Variants in ARHGAP29 observed in about 807,000 individuals in gnomAD.
ARHGAP29 encodes Rho GTPase activating protein 29, also known as rho GTPase-activating protein 29.
In ARHGAP29, 43 loss-of-function variants were observed where a neutral mutation model predicts 122.6. The observed-to-expected ratio is 0.35, with a 90% CI of 0.27 to 0.45. The LOEUF (loss-of-function observed/expected upper bound fraction) is 0.45, where lower values mean the gene tolerates loss of function less well. ARHGAP29 is among the 20% of genes least tolerant of loss of function. ARHGAP29 has a pLI of 1.00. For missense variants in ARHGAP29, 1,303 were observed against 1,477.2 expected (o/e 0.88, Z 1.93); for synonymous variants, 506 against 497.1 (o/e 1.02, Z -0.24).
chr1:94,186,645 C>T, intron 15 of ARHGAP29, 48 bp from the exon 16 acceptor site: 1 of 1,329,558 alleles, frequency 7.5e-7, no homozygotes, highest in Non-Finnish European at 1.1e-6. Context: ...ATTGTAGAAT[C>T]TTTGAAATAG....
chr1:94,269,594 CAA>C (rs10565551), intron 1 of ARHGAP29, among the ~76,000 whole-genome samples: 49,823 of 151,700 alleles, frequency 0.33, 8,593 homozygotes, highest in South Asian at 0.41. Flanking sequence ...ATTTTAATAA[CAA>C]TGATGGTAAG....
At chr1:94,285,123 A>C in the ARHGAP29 span, among the ~76,000 whole-genome samples, 3 of 152,222 alleles carry the variant, frequency 2.0e-5, no homozygotes, top group Non-Finnish European at 4.4e-5. Flanking sequence ...AAACATAAAA[A>C]TGATTGTCTT....
chr1:94,174,403 C>T lies in ARHGAP29; in HGVS notation c.3252G>A (p.Gln1084=), dbSNP rs1470861702. ...TGGCAGTTAGGCTGTTTTGTTCATA[C>T]TGTTTGTCCTGAATTTTCTGTAGAG... ...QQTLQKIQDK[Q]YEQNSLTAKT... is the part of the protein sequence containing the mutation. The change falls in exon 23 of 23, where the codon CAG becomes CAA. Residue 1084 remains glutamine (Q), a synonymous_variant. Transcript: ENST00000260526. 10 of 1,614,064 alleles carry T rather than the reference C, an allele frequency of 6.2e-6. No individual in the cohort carries two copies. The highest frequency in any genetic ancestry group is 8.5e-6 in the Non-Finnish European group (10 of 1,180,052).
At chr1:94,193,181 A>AT (rs1650230710) in intron 12 of ARHGAP29, 1 of 152,048 alleles carries the variant, frequency 6.6e-6, no homozygotes, top group Non-Finnish European at 1.5e-5. Flanking sequence ...GATGAACTGT[A>AT]TGGGAGAATG....
chr1:94,232,216 C>T (rs1217579012), intron 1 of ARHGAP29, among the ~76,000 whole-genome samples: 2 of 151,644 alleles, frequency 1.3e-5, no homozygotes, highest in South Asian at 4.2e-4. Flanking sequence ...CTTCAGTATG[C>T]TCATTTATAA....
chr1:94,237,790 C>G (rs1420747596), upstream of ARHGAP29: 2 of 984,950 alleles, frequency 2.0e-6, no homozygotes, highest in Admixed American at 6.1e-5. Context: ...GCTGCGTCGG[C>G]TGCCCTTTTG....
rs1553214898 is a variant in ARHGAP29, at chr1:94,253,636, A to ACACGCATG, written c.-33+21375_-33+21376insCATGCGTG. ...AGTTGTCCGCAGGCATCTGGAACAC[A>ACACGCATG]CACGCACGCACGCACGCACGCACGC... On this transcript the variant is annotated intron_variant and NMD_transcript_variant, in intron 1 of 25. Transcript: ENST00000552844. Among the ~76,000 whole-genome samples the ACACGCATG allele has an allele frequency of 2.7e-5, 4 of 149,348 alleles. No individual in the cohort carries two copies. In the East Asian group the frequency reaches 6.0e-4, roughly 22 times the overall value.
At chr1:94,253,839 G>T (rs1654218771) in intron 1 of ARHGAP29, among the ~76,000 whole-genome samples, 1 of 152,212 alleles carries the variant, frequency 6.6e-6, no homozygotes, top group Non-Finnish European at 1.5e-5. Context: ...TTCAGTGAGT[G>T]TTTATCTTTC....
chr1:94,300,879 A>G, the ARHGAP29 span, among the ~76,000 whole-genome samples: 1 of 152,228 alleles, frequency 6.6e-6, no homozygotes, highest in Non-Finnish European at 1.5e-5. Context: ...AGGAGAATTC[A>G]TACCAGGTTA....
chr1:94,221,666 CATATGTAT>C (rs1029764643), intron 2 of ARHGAP29, among the ~76,000 whole-genome samples: 2 of 150,204 alleles, frequency 1.3e-5, no homozygotes, highest in Non-Finnish European at 3.0e-5. Context: ...TGTATGTGCA[CATATGTAT>C]ATATGTATAT....
chr1:94,239,951 A>G (rs1437620006), upstream of ARHGAP29, among the ~76,000 whole-genome samples: 1 of 152,202 alleles, frequency 6.6e-6, no homozygotes, highest in African/African-American at 2.4e-5. Flanking sequence ...CCACTGGAGA[A>G]TGATGCACCA....
intron 1 of ARHGAP29, among the ~76,000 whole-genome samples, chr1:94,251,633 C>CA (rs1654098742): frequency 6.6e-6 from 1 of 152,180 alleles, no homozygotes; most frequent in Non-Finnish European, 1.5e-5. Context: ...CCAGGTACCC[C>CA]AAAGTCCCTT....
intron 16 of ARHGAP29, 71 bp downstream of exon 16, chr1:94,186,428 A>G: frequency 1.9e-6 from 2 of 1,064,872 alleles, no homozygotes; most frequent in African/African-American, 1.6e-5. Context: ...AAATTATACT[A>G]TTTATCTAAT....
At chr1:94,205,588 G>GT (rs1651139424) in intron 6 of ARHGAP29, 47 bp downstream of exon 6, 1 of 1,528,040 alleles carries the variant, frequency 6.5e-7, no homozygotes, top group Non-Finnish European at 9.0e-7. Context: ...TTCATAGAAA[G>GT]TAACTACAAG....
chr1:94,182,148 A>G (rs1241801769), intron 19 of ARHGAP29, among the ~76,000 whole-genome samples: 1 of 152,046 alleles, frequency 6.6e-6, no homozygotes, highest in Non-Finnish European at 1.5e-5. Flanking sequence ...TTAAAAAAGG[A>G]AGAAAGCTGC....
chr1:94,287,845 T>C, the ARHGAP29 span, among the ~76,000 whole-genome samples: 2 of 152,184 alleles, frequency 1.3e-5, no homozygotes, highest in Non-Finnish European at 2.9e-5. Context: ...CCTTTTTTTA[T>C]GGCTGCATAG....
intron 2 of ARHGAP29, among the ~76,000 whole-genome samples, chr1:94,224,578 A>G (rs948988866): frequency 2.6e-5 from 4 of 152,178 alleles, no homozygotes; most frequent in Non-Finnish European, 5.9e-5. Flanking sequence ...ATGCTTTTCA[A>G]TTTTCTCAGT....
upstream of ARHGAP29, among the ~76,000 whole-genome samples, chr1:94,241,717 T>TA (rs1467999046): frequency 9.6e-5 from 1 of 10,440 alleles, no homozygotes; most frequent in Non-Finnish European, 4.1e-4. Context: ...GATATATAAT[T>TA]TATATATAAT....
intron 3 of ARHGAP29, among the ~76,000 whole-genome samples, chr1:94,212,930 T>C (rs1265440168): frequency 6.6e-6 from 1 of 152,152 alleles, no homozygotes; most frequent in Non-Finnish European, 1.5e-5. Flanking sequence ...AGCTTCATTA[T>C]CTCCTATTCA....
Sources: allele counts gnomAD v4.1 joint callset (sites outside exome capture counted in the v4.1 genomes callset), GRCh38; gene constraint gnomAD v4.1.1; transcripts MANE v1.5; gene names NCBI Gene and HGNC (gene_info 2026-07-23, HGNC 2026-07-21).